Variants in BRAP observed in about 807,000 individuals in gnomAD.
BRAP encodes BRCA1-associated protein.
Under a neutral mutation model 73.4 loss-of-function variants are expected in BRAP, and 42 were observed. The ratio of observed to expected loss-of-function variants is 0.57; its 90% CI spans 0.45 to 0.74. BRAP has a LOEUF of 0.74. BRAP is among the 30% of genes least tolerant of loss of function. The pLI is 0.00. For synonymous variants in BRAP, 255 were observed against 267.4 expected, an observed-to-expected ratio of 0.95 and a Z score of 0.45; for missense variants, 593 against 751.4, an observed-to-expected ratio of 0.79 and a Z score of 2.46.
At chr12:111,652,534 T>C (rs867182938) in intron 10 of BRAP, among the ~76,000 whole-genome samples, 3 of 152,190 alleles carry the variant, frequency 2.0e-5, no homozygotes, top group Admixed American at 6.5e-5. Context: ...GAAAGGTTCT[T>C]AATATTGCTA....
intron 9 of BRAP, among the ~76,000 whole-genome samples, chr12:111,656,199 T>C (rs1322857630): frequency 6.6e-6 from 1 of 152,234 alleles, no homozygotes; most frequent in Non-Finnish European, 1.5e-5. Context: ...ATGTCGAGAA[T>C]TGTTTGCTGC....
At chr12:111,679,755 T>C (rs1009611046) in intron 3 of BRAP, among the ~76,000 whole-genome samples, 1 of 151,258 alleles carries the variant, frequency 6.6e-6, no homozygotes, top group Non-Finnish European at 1.5e-5. Flanking sequence ...CAGGTGCTTG[T>C]AGTCCCAGCT....
rs188715444 is a variant in BRAP, at chr12:111,672,514, C to T, written c.747+147G>A. On this transcript the variant is annotated intron_variant, in intron 5 of 11. Transcript: ENST00000419234. ...CTGTATCCTGTTAGCAGGCACTCCC[C>T]ATTCGTCTCTTCCTGCCCTGATAAC... 2.1e-3 allele frequency: 1,348 copies of T among 627,070 alleles called. 23 individuals carry two copies. The highest frequency in any genetic ancestry group is 6.2e-4 in the Non-Finnish European group (233 of 373,366). The allele number at this position is 627,070 out of a possible 1,614,324, so 38.8% of individuals were successfully genotyped here.
chr12:111,662,893 G>A (rs1364570035), intron 6 of BRAP, among the ~76,000 whole-genome samples: 26 of 151,366 alleles, frequency 1.7e-4, no homozygotes, highest in African/African-American at 5.8e-4. Flanking sequence ...GGCCGAGGCA[G>A]GAGGATGGCT....
At chr12:111,654,575 CA>C (rs1886448035) in intron 10 of BRAP, among the ~76,000 whole-genome samples, 1 of 152,182 alleles carries the variant, frequency 6.6e-6, no homozygotes, top group South Asian at 2.1e-4. Flanking sequence ...CTCGGCCTCC[CA>C]AAGTGCTGGG....
chr12:111,685,124 T>C (rs1366554216), intron 1 of BRAP, among the ~76,000 whole-genome samples: 2 of 152,216 alleles, frequency 1.3e-5, no homozygotes, highest in Non-Finnish European at 2.9e-5. Flanking sequence ...GTTTCACCCA[T>C]TACAGATAAC....
chr12:111,652,011 G>A (rs1886345507), intron 10 of BRAP, among the ~76,000 whole-genome samples: 1 of 151,986 alleles, frequency 6.6e-6, no homozygotes, highest in African/African-American at 2.4e-5. Context: ...TTCTAGTTAG[G>A]TATTAATTTT....
chr12:111,667,854 G>C (rs1887015853), intron 5 of BRAP, among the ~76,000 whole-genome samples: 1 of 151,886 alleles, frequency 6.6e-6, no homozygotes, highest in Non-Finnish European at 1.5e-5. Context: ...TCTAAAATGT[G>C]CTTTTTGAGA....
At chr12:111,654,919 C>G (rs1260778503) in intron 10 of BRAP, among the ~76,000 whole-genome samples, 1 of 152,188 alleles carries the variant, frequency 6.6e-6, no homozygotes, top group Non-Finnish European at 1.5e-5. Flanking sequence ...TAATTATACA[C>G]AATTATACAC....
intron 1 of BRAP, among the ~76,000 whole-genome samples, chr12:111,685,328 A>C (rs949113755): frequency 1.3e-5 from 2 of 152,218 alleles, no homozygotes; most frequent in Non-Finnish European, 2.9e-5. Flanking sequence ...ACTTCAATGG[A>C]TATCGTTCCA....
At chr12:111,681,510 GACAAAAGTA>G in intron 3 of BRAP, 118 bp downstream of exon 3, 1 of 717,642 alleles carries the variant, frequency 1.4e-6, no homozygotes, top group South Asian at 2.4e-5. Context: ...ACATACAACA[GACAAAAGTA>G]TTATTATTTT....
chr12:111,645,874 C>T (rs979150741), intron 11 of BRAP, among the ~76,000 whole-genome samples: 1 of 152,050 alleles, frequency 6.6e-6, no homozygotes, highest in Non-Finnish European at 1.5e-5. Context: ...CCTGTGGTCC[C>T]AGATTTACAG....
intron 9 of BRAP, among the ~76,000 whole-genome samples, chr12:111,657,629 C>T (rs968503102): frequency 2.0e-5 from 3 of 152,050 alleles, no homozygotes; most frequent in Non-Finnish European, 4.4e-5. Flanking sequence ...CCTATAATCC[C>T]AGCACTTTGG....
intron 9 of BRAP, among the ~76,000 whole-genome samples, chr12:111,658,247 A>G (rs753962510): frequency 6.6e-6 from 1 of 151,572 alleles, no homozygotes; most frequent in Non-Finnish European, 1.5e-5. Flanking sequence ...TTAGACTTTC[A>G]AAGAAGAAAA....
intron 11 of BRAP, 30 bp downstream of exon 11, chr12:111,649,909 G>A: frequency 3.4e-6 from 5 of 1,459,624 alleles, no homozygotes; most frequent in Non-Finnish European, 4.8e-6. Flanking sequence ...TATAGAGCCT[G>A]TTACAACAGA....
Position 111,647,902 on chromosome 12 carries a change from G to A in BRAP, c.1415+2037C>T, listed in dbSNP as rs1267821348. ...CGAAACTCCGTCTCAAAAAAAAAAA[G>A]AAAAAAAGAAAAAAAAATTAGCCAG... On this transcript the variant is annotated intron_variant, in intron 11 of 11. Coordinates refer to ENST00000419234, the MANE Select transcript of BRAP (RefSeq NM_006768.5). Among the ~76,000 whole-genome samples, 4 of 150,650 alleles carry A rather than the reference G, an allele frequency of 2.7e-5. No homozygotes were observed. In the Admixed American group the frequency reaches 2.7e-4, roughly 10 times the overall value.
chr12:111,655,368 A>G (rs1373252494), intron 10 of BRAP, among the ~76,000 whole-genome samples, 198 bp downstream of exon 10: 2 of 151,636 alleles, frequency 1.3e-5, no homozygotes, highest in Non-Finnish European at 2.9e-5. Context: ...AAAACCCCCT[A>G]AGACCCCAAA....
At chr12:111,664,748 C>T (rs562329671) in intron 6 of BRAP, among the ~76,000 whole-genome samples, 111 of 152,338 alleles carry the variant, frequency 7.3e-4, no homozygotes, top group Middle Eastern at 3.4e-3. Context: ...TTCCTGTAGA[C>T]TTTCACCCCT....
At chr12:111,667,698 C>CAAAAAAAAAAAAAAAAAAAAAAAAAAAA (rs565349424) in intron 5 of BRAP, among the ~76,000 whole-genome samples, 8 of 21,286 alleles carry the variant, frequency 3.8e-4, no homozygotes, top group African/African-American at 7.7e-4. Context: ...AACTCCGTCT[C>CAAAAAAAAAAAAAAAAAAAAAAAAAAAA]AAAAAAAAAA....
Sources: allele counts gnomAD v4.1 joint callset (sites outside exome capture counted in the v4.1 genomes callset), GRCh38; gene constraint gnomAD v4.1.1; transcripts MANE v1.5; gene names NCBI Gene and HGNC (gene_info 2026-07-23, HGNC 2026-07-21).